Variants in JAZF1 observed in about 807,000 individuals in gnomAD.
JAZF1 encodes the protein JAZF zinc finger 1.
JAZF1 carries 8 observed loss-of-function variants against 26.4 expected under a neutral mutation model. The observed-to-expected ratio is 0.30, with a 90% CI of 0.18 to 0.55. The LOEUF is 0.55. Ranked by LOEUF, JAZF1 falls within the 20% of genes least tolerant of loss-of-function variation. JAZF1 has a pLI of 0.94. For missense variants in JAZF1, 199 were observed against 322.0 expected (o/e 0.62, Z 2.92); for synonymous variants, 126 against 122.3 (o/e 1.03, Z -0.20).
chr7:27,915,097 A>C (rs1028872578), intron 2 of JAZF1, among the ~76,000 whole-genome samples: 1 of 152,192 alleles, frequency 6.6e-6, no homozygotes, highest in African/African-American at 2.4e-5. Flanking sequence ...CTATTAAAAA[A>C]ATAATCACCA....
At chr7:27,909,090 G>A (rs1006338581) in intron 2 of JAZF1, among the ~76,000 whole-genome samples, 3 of 146,258 alleles carry the variant, frequency 2.1e-5, no homozygotes, top group African/African-American at 8.4e-5. Context: ...GGTAACTGCA[G>A]CCTCGACCTG....
At chr7:28,093,249 G>A (rs1410912178) in intron 1 of JAZF1, among the ~76,000 whole-genome samples, 1 of 152,068 alleles carries the variant, frequency 6.6e-6, no homozygotes, top group Non-Finnish European at 1.5e-5. Context: ...TGAATCCTGG[G>A]GGCGGTTTCC....
intron 1 of JAZF1, among the ~76,000 whole-genome samples, chr7:28,161,600 T>G (rs770619307): frequency 7.9e-5 from 12 of 152,208 alleles, no homozygotes; most frequent in African/African-American, 1.4e-4. Flanking sequence ...GCATGTGATC[T>G]TCACAGAGAA....
At chr7:28,136,560 G>A (rs1782889433) in intron 1 of JAZF1, among the ~76,000 whole-genome samples, 1 of 152,242 alleles carries the variant, frequency 6.6e-6, no homozygotes, top group Admixed American at 6.5e-5. Context: ...CTTCGGCACT[G>A]AGTTGAATGT....
At chr7:28,049,534 TCAGAGTTAGTGTCAGTTCCCA>T (rs1341501899) in intron 1 of JAZF1, among the ~76,000 whole-genome samples, 1 of 152,084 alleles carries the variant, frequency 6.6e-6, no homozygotes, top group Admixed American at 6.5e-5. Flanking sequence ...ATGACACTAA[TCAGAGTTAGTGTCAGTTCCCA>T]CAGGTAAAGG....
chr7:27,974,613 C>G (rs575760871), intron 2 of JAZF1, among the ~76,000 whole-genome samples: 1 of 152,244 alleles, frequency 6.6e-6, no homozygotes, highest in Admixed American at 6.5e-5. Context: ...TGTAGGAATT[C>G]TCCACGTCCA....
chr7:28,020,827 T>C (rs1782994985), intron 1 of JAZF1: 1 of 384,598 alleles, frequency 2.6e-6, no homozygotes, highest in Non-Finnish European at 5.3e-6. Flanking sequence ...TCACTGGTTG[T>C]TTTAAAAGTG....
chr7:27,936,057 G>C (rs558228309), intron 2 of JAZF1, among the ~76,000 whole-genome samples: 1 of 152,160 alleles, frequency 6.6e-6, no homozygotes, highest in Non-Finnish European at 1.5e-5. Context: ...TGGGAAGTTC[G>C]AAACAAGAAC....
At position 28,016,617 on chromosome 7, in the gene JAZF1, T is replaced by C. The variant is rs532752680; in HGVS notation, c.116-24636A>G. ...ACACTGAAAGCTTACTGGTTTGTTT[T>C]CTAGACCAAATACATCACCCTCATG... On this transcript the variant is annotated intron_variant, in intron 1 of 4. Transcript: ENST00000283928. Among the ~76,000 whole-genome samples the C allele has an allele frequency of 2.2e-4, 34 of 152,236 alleles. No individual in the cohort carries two copies. The South Asian group carries it at 5.8e-3, about 26-fold the overall frequency.
At chr7:27,912,115 A>G (rs1583460389) in intron 2 of JAZF1, among the ~76,000 whole-genome samples, 1 of 88,362 alleles carries the variant, frequency 1.1e-5, no homozygotes, top group East Asian at 2.0e-4. Context: ...CTTTTATGCA[A>G]TAAGTAGCTC....
rs142567352 is a variant in JAZF1, at chr7:28,144,556, C to T, written c.115+35907G>A. 2.0e-4 allele frequency among the ~76,000 whole-genome samples: 31 copies of T among 152,326 alleles called. No homozygotes were observed. The East Asian group carries it at 4.8e-3, about 24-fold the overall frequency. On this transcript the variant is annotated intron_variant, in intron 1 of 4. Coordinates refer to ENST00000283928, the MANE Select transcript of JAZF1 (RefSeq NM_175061.4). The stretch of plus-strand genomic sequence containing the variant: ...ACTCTGTCACCAGGAGGCTGGGGCT[C>T]GCTCACTGCCAGGGGTCTGTACAGG...
intron 2 of JAZF1, among the ~76,000 whole-genome samples, chr7:27,931,032 T>C (rs1784682438): frequency 6.6e-6 from 1 of 152,246 alleles, no homozygotes; most frequent in Non-Finnish European, 1.5e-5. Context: ...GCCAAGTCCT[T>C]TCTGTAAATT....
At chr7:27,932,401 T>G (rs1318762321) in intron 2 of JAZF1, among the ~76,000 whole-genome samples, 5 of 152,166 alleles carry the variant, frequency 3.3e-5, no homozygotes, top group African/African-American at 1.2e-4. Flanking sequence ...CACATCATAA[T>G]GTAATACTTT....
At chr7:27,855,073 TTTCTC>T (rs1327522332) in intron 3 of JAZF1, among the ~76,000 whole-genome samples, 1 of 152,170 alleles carries the variant, frequency 6.6e-6, no homozygotes, top group African/African-American at 2.4e-5. Context: ...TTCATTCTCT[TTTCTC>T]TAATTTTGTC....
intron 1 of JAZF1, among the ~76,000 whole-genome samples, chr7:28,005,071 G>A (rs57357637): frequency 0.043 from 6,583 of 152,124 alleles, 508 homozygotes; most frequent in African/African-American, 0.15. Context: ...CATGTATTTC[G>A]AAAACCAAAT....
At chr7:28,107,446 C>T (rs143477161) in intron 1 of JAZF1, among the ~76,000 whole-genome samples, 2 of 152,302 alleles carry the variant, frequency 1.3e-5, no homozygotes, top group Non-Finnish European at 2.9e-5. Flanking sequence ...ACTCACTGTG[C>T]TTCTCCCTCC....
chr7:27,966,491 T>C (rs1258590776), intron 2 of JAZF1, among the ~76,000 whole-genome samples: 2 of 152,164 alleles, frequency 1.3e-5, no homozygotes, highest in African/African-American at 4.8e-5. Flanking sequence ...AATTCAAGGC[T>C]GACCCTGGAC....
intron 2 of JAZF1, among the ~76,000 whole-genome samples, chr7:27,968,923 GA>G (rs1216215302): frequency 6.6e-6 from 1 of 151,472 alleles, no homozygotes; most frequent in Admixed American, 6.6e-5. Context: ...TAATAAAAAT[GA>G]AAAAAAATCA....
At chr7:27,992,207 G>C (rs1313036027) in intron 1 of JAZF1, 1 of 606,072 alleles carries the variant, frequency 1.6e-6, no homozygotes, top group African/African-American at 1.8e-5. Context: ...GTGATAAAAT[G>C]TCCATCTGTC....
Sources: allele counts gnomAD v4.1 joint callset (sites outside exome capture counted in the v4.1 genomes callset), GRCh38; gene constraint gnomAD v4.1.1; transcripts MANE v1.5; gene names NCBI Gene and HGNC (gene_info 2026-07-23, HGNC 2026-07-21).